INPP5D: variants seen among roughly 807,000 people sequenced by gnomAD.
INPP5D encodes the protein inositol polyphosphate-5-phosphatase D, also known as phosphatidylinositol 3,4,5-trisphosphate 5-phosphatase 1.
In INPP5D, 33 loss-of-function variants were observed where a neutral mutation model predicts 122.9. The ratio of observed to expected loss-of-function variants is 0.27; its 90% CI spans 0.20 to 0.36. The LOEUF is 0.36. Among genes scored for constraint, INPP5D ranks in the 10% least tolerant of loss-of-function variants. The pLI is 1.00. For missense variants in INPP5D, 1,053 were observed against 1,412.7 expected, an observed-to-expected ratio of 0.75 and a Z score of 4.08; for synonymous variants, 584 against 576.2, an observed-to-expected ratio of 1.01 and a Z score of -0.19.
At chr2:233,107,373 T>G (rs1346731676) in intron 2 of INPP5D, among the ~76,000 whole-genome samples, 1 of 152,202 alleles carries the variant, frequency 6.6e-6, no homozygotes, top group African/African-American at 2.4e-5. Flanking sequence ...ACAGGGAATG[T>G]AGACCTCCCA....
chr2:233,108,021 G>A (rs1188203783), intron 2 of INPP5D, among the ~76,000 whole-genome samples: 1 of 152,136 alleles, frequency 6.6e-6, no homozygotes, highest in Non-Finnish European at 1.5e-5. Context: ...CCCAGAGATA[G>A]CCAGTGCCAG....
chr2:233,071,020 T>A (rs966635381), intron 1 of INPP5D, among the ~76,000 whole-genome samples: 3 of 152,088 alleles, frequency 2.0e-5, no homozygotes, highest in African/African-American at 7.2e-5. Context: ...ACACCTGTAA[T>A]TGCAGCACTT....
intron 2 of INPP5D, among the ~76,000 whole-genome samples, chr2:233,102,238 G>A (rs928022604): frequency 6.6e-6 from 1 of 152,160 alleles, no homozygotes; most frequent in Non-Finnish European, 1.5e-5. Context: ...TTTCATCTAG[G>A]AATCTGGACT....
Position 233,186,648 on chromosome 2 carries a change from AT to A in INPP5D, c.2358+731del, listed in dbSNP as rs1294980834. Among the ~76,000 whole-genome samples, 16 of 122,748 alleles carry A rather than the reference AT, an allele frequency of 1.3e-4. No homozygotes were observed. The Middle Eastern group carries it at 0.015, about 117-fold the overall frequency. The allele number at this position is 122,748 out of a possible 152,430, so 80.5% of individuals were successfully genotyped here. On this transcript the variant is annotated intron_variant, in intron 21 of 26. Transcript: ENST00000445964. ...GACATCCCATCTCTACCAAAAAAAA[AT>A]TTTTTTTCTCTTGTTTTTTTTTCTT... is the stretch of plus-strand genomic sequence containing the variant.
intron 2 of INPP5D, among the ~76,000 whole-genome samples, chr2:233,081,789 C>T (rs562749744): frequency 5.3e-5 from 8 of 152,130 alleles, no homozygotes; most frequent in East Asian, 1.9e-4. Flanking sequence ...CAGCTTCTCC[C>T]ATGGATCAGC....
At chr2:233,169,933 C>G in intron 14 of INPP5D, 93 bp from the exon 15 acceptor site, 1 of 1,590,036 alleles carries the variant, frequency 6.3e-7, no homozygotes, top group Non-Finnish European at 8.6e-7. Flanking sequence ...TGCTATGCTC[C>G]TCGCCCCACA....
At position 233,160,329 on chromosome 2, in the gene INPP5D, T is replaced by C. The variant is rs950619622; in HGVS notation, c.1138-1395T>C. On this transcript the variant is annotated intron_variant, in intron 10 of 26. Coordinates refer to ENST00000445964, the MANE Select transcript of INPP5D (RefSeq NM_001017915.3). The surrounding 1 kb of genome is among the most constrained non-coding windows in gnomAD (Gnocchi z 4.2). The stretch of plus-strand genomic sequence containing the variant: ...AAGTCCGCCTGCTCTATTGATTGCA[T>C]CCTAAGAGAGGGCCAACTGAGGCTG... 1.3e-5 allele frequency among the ~76,000 whole-genome samples: 2 copies of C among 152,216 alleles called. No homozygotes were observed. The highest frequency in any genetic ancestry group is 6.5e-5 in the Admixed American group (1 of 15,276).
chr2:233,172,940 G>A (rs1415409867), intron 17 of INPP5D, among the ~76,000 whole-genome samples: 5 of 152,218 alleles, frequency 3.3e-5, no homozygotes, highest in African/African-American at 9.6e-5. Flanking sequence ...TGGGGGCAGC[G>A]GCTCATGCCT....
At chr2:233,101,578 AC>A (rs1297208548) in intron 2 of INPP5D, among the ~76,000 whole-genome samples, 6 of 147,022 alleles carry the variant, frequency 4.1e-5, no homozygotes, top group African/African-American at 1.5e-4. Context: ...ATGTCATATA[AC>A]ATTATTAAAA....
At chr2:233,115,625 G>C (rs1418180884) in intron 2 of INPP5D, among the ~76,000 whole-genome samples, 1 of 152,078 alleles carries the variant, frequency 6.6e-6, no homozygotes, top group Non-Finnish European at 1.5e-5. Flanking sequence ...CAGGAGTATT[G>C]CTACCTGAGT....
chr2:233,060,463 G>A lies in INPP5D; in HGVS notation c.-16G>A. 1.9e-6 allele frequency: 3 copies of A among 1,591,410 alleles called. No homozygotes were observed. Among genetic ancestry groups the A allele is most frequent in the Non-Finnish European group, 1.7e-6 (2 of 1,167,778 alleles). ...GGGGGTGCCTGCCGGCCCGGCCGAGGAGGCCCACGCCCACCATGGTCCCCT... is the reference window on the plus strand; with the variant it reads ...GGGGGTGCCTGCCGGCCCGGCCGAGAAGGCCCACGCCCACCATGGTCCCCT... On this transcript the variant is annotated 5_prime_UTR_variant, in exon 1 of 27. Coordinates refer to ENST00000445964, the MANE Select transcript of INPP5D (RefSeq NM_001017915.3).
At chr2:233,195,779 C>T (rs555787786) in intron 24 of INPP5D, among the ~76,000 whole-genome samples, 1 of 152,246 alleles carries the variant, frequency 6.6e-6, no homozygotes, top group South Asian at 2.1e-4. Context: ...CCAGGCTGGC[C>T]GACATGGTAA....
chr2:233,165,873 C>T (rs540513209), intron 13 of INPP5D, among the ~76,000 whole-genome samples: 5 of 151,392 alleles, frequency 3.3e-5, no homozygotes, highest in African/African-American at 9.7e-5. Flanking sequence ...TGTGTGTGCC[C>T]GTGTGTGCAC....
chr2:233,108,470 C>T (rs879721041), intron 2 of INPP5D, among the ~76,000 whole-genome samples: 3 of 152,332 alleles, frequency 2.0e-5, no homozygotes, highest in South Asian at 2.1e-4. Context: ...CATATGTGGG[C>T]GCATCTGGCC....
At chr2:233,117,040 G>A (rs956751961) in intron 2 of INPP5D, among the ~76,000 whole-genome samples, 3 of 152,240 alleles carry the variant, frequency 2.0e-5, no homozygotes, top group African/African-American at 4.8e-5. Context: ...GAGTTGCCAC[G>A]GCAGAAATCC....
chr2:233,060,383 G>A lies in INPP5D; in HGVS notation c.-96G>A, dbSNP rs1040186099. On this transcript the variant is annotated 5_prime_UTR_variant, in exon 1 of 27. Coordinates refer to ENST00000445964, the MANE Select transcript of INPP5D (RefSeq NM_001017915.3). ...GCAGCCGAGGCCACCAAGAGGCAACGGGCGGCAGGTTGCAGTGGAGGGGCC... is the reference window on the plus strand; with the variant it reads ...GCAGCCGAGGCCACCAAGAGGCAACAGGCGGCAGGTTGCAGTGGAGGGGCC... 1.7e-5 allele frequency: 24 copies of A among 1,396,134 alleles called. No homozygotes were observed. Among genetic ancestry groups the A allele is most frequent in the Non-Finnish European group, 2.3e-5 (24 of 1,041,030 alleles). 86.5% of individuals were successfully genotyped at this position (1,396,134 alleles called of 1,614,324 possible).
At chr2:233,169,603 A>G (rs895077273) in intron 14 of INPP5D, 3 of 757,256 alleles carry the variant, frequency 4.0e-6, no homozygotes, top group Non-Finnish European at 6.2e-6. Flanking sequence ...TTTTGTCTGA[A>G]GGTCAGAAAA....
chr2:233,122,285 A>G (rs1693009524), intron 3 of INPP5D, 28 bp downstream of exon 3: 1 of 1,605,378 alleles, frequency 6.2e-7, no homozygotes, highest in African/African-American at 1.4e-5. Flanking sequence ...GGACGGCAGG[A>G]GGTACTTTTG....
chr2:233,137,806 T>A (rs1452831364), intron 5 of INPP5D, among the ~76,000 whole-genome samples: 1 of 105,492 alleles, frequency 9.5e-6, no homozygotes, highest in African/African-American at 3.7e-5. Context: ...CACTCCAGCC[T>A]GGGCAACAAG....
Sources: gnomAD v4.1 joint callset for allele counts (sites outside exome capture counted in the v4.1 genomes callset) on GRCh38, gnomAD v4.1.1 for gene constraint, Gnocchi (gnomAD v3.1) non-coding constraint, MANE v1.5 for transcripts, NCBI Gene and HGNC (gene_info 2026-07-23, HGNC 2026-07-21) for gene names.